The following DLG2 variants were observed in gnomAD, a reference collection of about 807,000 sequenced individuals.
DLG2 encodes discs large MAGUK scaffold protein 2.
In DLG2, 45 loss-of-function variants were observed where a neutral mutation model predicts 132.5. The ratio of observed to expected loss-of-function variants is 0.34; its 90% CI spans 0.27 to 0.44. DLG2 has a LOEUF of 0.44. Ranked by LOEUF, DLG2 falls within the 20% of genes least tolerant of loss-of-function variation. DLG2 has a pLI of 1.00. For missense variants in DLG2, 1,045 were observed against 1,196.9 expected, an observed-to-expected ratio of 0.87 and a Z score of 1.87; for synonymous variants, 424 against 419.6, an observed-to-expected ratio of 1.01 and a Z score of -0.13.
chr11:83,904,659 CTT>C (rs922433764), intron 15 of DLG2, among the ~76,000 whole-genome samples: 3 of 145,864 alleles, frequency 2.1e-5, no homozygotes, highest in African/African-American at 5.0e-5. Flanking sequence ...CTTTTGTTTA[CTT>C]TTTTTTTTTA....
At chr11:85,228,095 T>C (rs908361122) in intron 4 of DLG2, among the ~76,000 whole-genome samples, 1 of 152,102 alleles carries the variant, frequency 6.6e-6, no homozygotes, top group Admixed American at 6.6e-5. Context: ...GCACACTCCA[T>C]AATTATTTGT....
chr11:85,009,088 A>T (rs1592617188), intron 6 of DLG2, among the ~76,000 whole-genome samples: 1 of 152,078 alleles, frequency 6.6e-6, no homozygotes, highest in Non-Finnish European at 1.5e-5. Flanking sequence ...AGAGAGTTAC[A>T]GGAGATGAAA....
chr11:85,159,086 AG>A (rs1189062424), intron 4 of DLG2, among the ~76,000 whole-genome samples: 2 of 152,118 alleles, frequency 1.3e-5, no homozygotes, highest in Non-Finnish European at 2.9e-5. Context: ...GTCTTTTACC[AG>A]GGTATCTGTG....
chr11:83,996,276 C>A (rs1448773435), intron 11 of DLG2, among the ~76,000 whole-genome samples: 1 of 152,140 alleles, frequency 6.6e-6, no homozygotes, highest in Non-Finnish European at 1.5e-5. Flanking sequence ...AATGAAATAT[C>A]ATCTCACCCC....
chr11:83,807,335 T>C (rs964263811), intron 17 of DLG2, among the ~76,000 whole-genome samples: 2 of 152,174 alleles, frequency 1.3e-5, no homozygotes, highest in South Asian at 2.1e-4. Context: ...GTAATTTATA[T>C]CTTTTCTAAT....
intron 4 of DLG2, among the ~76,000 whole-genome samples, chr11:85,184,477 C>G (rs1413704091): frequency 1.3e-5 from 2 of 151,484 alleles, no homozygotes; most frequent in Non-Finnish European, 1.5e-5. Flanking sequence ...CCAGTAATGG[C>G]AGCTTTTGGT....
chr11:85,247,802 C>T (rs1231088266), intron 4 of DLG2, among the ~76,000 whole-genome samples: 2 of 152,062 alleles, frequency 1.3e-5, no homozygotes, highest in Non-Finnish European at 2.9e-5. Context: ...ACTAGCTCAT[C>T]ATTTTCCTAA....
chr11:84,838,284 G>A (rs1378954210), intron 6 of DLG2, among the ~76,000 whole-genome samples: 2 of 151,782 alleles, frequency 1.3e-5, no homozygotes, highest in African/African-American at 4.8e-5. Context: ...GGAGTTCCAA[G>A]AGGAGGTCTT....
chr11:84,266,637 A>C (rs2097640588), intron 7 of DLG2, among the ~76,000 whole-genome samples: 1 of 152,208 alleles, frequency 6.6e-6, no homozygotes, highest in South Asian at 2.1e-4. Flanking sequence ...CACTTGGAAC[A>C]CCATGAACTG....
At chr11:83,730,397 T>A (rs896502292) in intron 18 of DLG2, among the ~76,000 whole-genome samples, 1 of 152,168 alleles carries the variant, frequency 6.6e-6, no homozygotes, top group African/African-American at 2.4e-5. Context: ...ATGTATATGA[T>A]TGTGGGAGAC....
chr11:84,227,281 G>A (rs1196509037), intron 8 of DLG2, among the ~76,000 whole-genome samples: 5 of 151,946 alleles, frequency 3.3e-5, no homozygotes, highest in African/African-American at 1.2e-4. Context: ...AAAAATTAGT[G>A]CAAAAGCATA....
rs576920319 is a variant in DLG2, at chr11:84,429,591, A to G, written c.519+104979T>C. ...GTTTAATAATTAAAGATTTAATAAG[A>G]TATTTGAGGAAATAAGACTACCTCA... On this transcript the variant is annotated intron_variant, in intron 7 of 27. Transcript: ENST00000376104. Among the ~76,000 whole-genome samples the G allele has an allele frequency of 7.4e-4, 112 of 152,328 alleles. 1 individual carries two copies. The highest frequency in any genetic ancestry group is 2.6e-3 in the African/African-American group (110 of 41,574).
At chr11:84,359,099 T>A (rs2098634974) in intron 7 of DLG2, among the ~76,000 whole-genome samples, 1 of 151,908 alleles carries the variant, frequency 6.6e-6, no homozygotes, top group Admixed American at 6.6e-5. Context: ...TTGACCTCCA[T>A]GGCCAAGAAA....
intron 19 of DLG2, chr11:83,631,354 T>C (rs1467094937): frequency 5.3e-5 from 8 of 151,978 alleles, no homozygotes; most frequent in African/African-American, 1.9e-4. Flanking sequence ...AAATAAGTAG[T>C]AATAATTGAA....
At chr11:83,970,000 T>C (rs1161226444) in intron 12 of DLG2, among the ~76,000 whole-genome samples, 1 of 151,190 alleles carries the variant, frequency 6.6e-6, no homozygotes, top group Non-Finnish European at 1.5e-5. Context: ...CAAAAACATC[T>C]ATACTGAGAG....
chr11:85,242,630 T>C (rs2075943354), intron 4 of DLG2, among the ~76,000 whole-genome samples: 1 of 151,780 alleles, frequency 6.6e-6, no homozygotes, highest in Non-Finnish European at 1.5e-5. Context: ...GCTGCATTCA[T>C]TCTATTATTC....
At chr11:85,016,228 G>T (rs1172441297) in intron 6 of DLG2, among the ~76,000 whole-genome samples, 1 of 152,040 alleles carries the variant, frequency 6.6e-6, no homozygotes, top group Non-Finnish European at 1.5e-5. Flanking sequence ...GTTATTATCA[G>T]CCTCAGGTAG....
At position 84,002,690 on chromosome 11, in the gene DLG2, A is replaced by G. The variant is rs180922327; in HGVS notation, c.920-22048T>C. Among the ~76,000 whole-genome samples the G allele has an allele frequency of 5.6e-4, 85 of 152,110 alleles. 1 individual carries two copies. In the East Asian group the frequency reaches 0.01, roughly 19 times the overall value. On this transcript the variant is annotated intron_variant, in intron 11 of 27. Transcript: ENST00000376104. Reference sequence around the variant, plus strand: ...AGCAAGGCCCTCGTCCTTGCCCACAAAAACCATTTTTTTCTCCTAGGCCTC... The same window carrying G: ...AGCAAGGCCCTCGTCCTTGCCCACAGAAACCATTTTTTTCTCCTAGGCCTC...
intron 18 of DLG2, among the ~76,000 whole-genome samples, chr11:83,762,822 C>A (rs141810182): frequency 2.0e-5 from 3 of 152,308 alleles, no homozygotes; most frequent in Non-Finnish European, 4.4e-5. Context: ...ACCTCGTGAT[C>A]TGCCTGCCTC....
Sources: allele counts gnomAD v4.1 joint callset (sites outside exome capture counted in the v4.1 genomes callset), GRCh38; gene constraint gnomAD v4.1.1; transcripts MANE v1.5; gene names NCBI Gene and HGNC (gene_info 2026-07-23, HGNC 2026-07-21).